The following HSF2BP variants were observed in gnomAD, a reference collection of about 807,000 sequenced individuals.
HSF2BP encodes heat shock factor 2-binding protein.
In HSF2BP, 35 loss-of-function variants were observed where a neutral mutation model predicts 35.0. The ratio of observed to expected loss-of-function variants is 1.00; its 90% CI spans 0.76 to 1.32. The LOEUF is 1.32. Among genes scored for constraint, HSF2BP ranks in the 40% most tolerant of loss-of-function variants. The pLI is 0.00. For synonymous variants in HSF2BP, 114 were observed against 117.4 expected (o/e 0.97, Z 0.18); for missense variants, 326 against 321.7 (o/e 1.01, Z -0.10).
At chr21:43,637,185 G>A (rs2082574428) in intron 4 of HSF2BP, among the ~76,000 whole-genome samples, 1 of 152,082 alleles carries the variant, frequency 6.6e-6, no homozygotes, top group African/African-American at 2.4e-5. Flanking sequence ...ACTGGTGAAT[G>A]GATGAAGAAA....
chr21:43,467,908 C>CCA, the HSF2BP span, among the ~76,000 whole-genome samples: 1 of 43,876 alleles, frequency 2.3e-5, no homozygotes, highest in Admixed American at 2.4e-4. Context: ...CACACACGCA[C>CCA]CACACACCAC....
At chr21:43,643,898 T>C (rs1437108583) in intron 4 of HSF2BP, among the ~76,000 whole-genome samples, 2 of 149,838 alleles carry the variant, frequency 1.3e-5, no homozygotes, top group East Asian at 2.0e-4. Flanking sequence ...GAGCTTGCAG[T>C]GAGCCGAGAT....
intron 4 of HSF2BP, among the ~76,000 whole-genome samples, chr21:43,643,966 G>A (rs8127297): frequency 0.68 from 101,793 of 150,564 alleles, 34,703 homozygotes; most frequent in East Asian, 0.79. Flanking sequence ...AAAAAAAAAA[G>A]GAAAAAAAAA....
intron 8 of HSF2BP, among the ~76,000 whole-genome samples, chr21:43,588,994 A>G (rs958711236): frequency 6.6e-6 from 1 of 152,182 alleles, no homozygotes. Context: ...AGAGTCTTAC[A>G]GACACTGGCA....
intron 3 of HSF2BP, among the ~76,000 whole-genome samples, chr21:43,651,860 C>CAGGCAACACCTTT (rs1568944211): frequency 3.3e-5 from 5 of 152,000 alleles, no homozygotes; most frequent in African/African-American, 9.7e-5. Flanking sequence ...GCAACACCTT[C>CAGGCAACACCTTT]GTCAGTATTA....
intron 3 of HSF2BP, among the ~76,000 whole-genome samples, chr21:43,646,676 A>T (rs1468919692): frequency 2.0e-5 from 3 of 152,216 alleles, no homozygotes; most frequent in African/African-American, 7.2e-5. Flanking sequence ...AGCTGTATGC[A>T]ACCCTAGTGT....
At chr21:43,607,709 CACTA>C (rs1190982717) in intron 7 of HSF2BP, among the ~76,000 whole-genome samples, 4 of 152,176 alleles carry the variant, frequency 2.6e-5, no homozygotes, top group Non-Finnish European at 5.9e-5. Flanking sequence ...TACCAGGCTA[CACTA>C]ACTAAAACAG....
chr21:43,593,639 C>A (rs1378717940), intron 7 of HSF2BP, among the ~76,000 whole-genome samples: 3 of 151,874 alleles, frequency 2.0e-5, no homozygotes, highest in Admixed American at 6.6e-5. Flanking sequence ...TTTGAATGAC[C>A]AGCCAATTCA....
At chr21:43,596,359 A>G (rs1418750299) in intron 7 of HSF2BP, among the ~76,000 whole-genome samples, 3 of 152,076 alleles carry the variant, frequency 2.0e-5, no homozygotes, top group African/African-American at 7.3e-5. Context: ...ATGAATATAC[A>G]AAAATAAAAC....
intron 7 of HSF2BP, among the ~76,000 whole-genome samples, chr21:43,606,630 G>T (rs1260490903): frequency 6.6e-6 from 1 of 152,218 alleles, no homozygotes; most frequent in Non-Finnish European, 1.5e-5. Flanking sequence ...CTTGGGAGCT[G>T]AGAAAGGCAG....
chr21:43,581,014 A>C (rs1402600604), intron 8 of HSF2BP, among the ~76,000 whole-genome samples: 2 of 152,240 alleles, frequency 1.3e-5, no homozygotes, highest in African/African-American at 2.4e-5. Context: ...GGTGCCATGG[A>C]AAAGATGTGG....
At chr21:43,614,044 G>A in intron 6 of HSF2BP, 97 bp from the exon 7 acceptor site, 1 of 838,262 alleles carries the variant, frequency 1.2e-6, no homozygotes, top group South Asian at 1.5e-5. Flanking sequence ...AAGACCTAAT[G>A]AAAACACAGC....
intron 6 of HSF2BP, among the ~76,000 whole-genome samples, chr21:43,616,827 A>G (rs2082276924): frequency 6.6e-6 from 1 of 151,926 alleles, no homozygotes; most frequent in South Asian, 2.1e-4. Flanking sequence ...GCTACTCCAG[A>G]TGCTGAGGCA....
intron 4 of HSF2BP, among the ~76,000 whole-genome samples, chr21:43,633,728 C>A (rs1174691055): frequency 2.0e-5 from 3 of 152,286 alleles, no homozygotes; most frequent in East Asian, 3.9e-4. Flanking sequence ...AGTAACTATA[C>A]CCAGAACCAG....
chr21:43,505,811 T>A, the HSF2BP span, among the ~76,000 whole-genome samples: 3 of 124,828 alleles, frequency 2.4e-5, 1 homozygote, highest in East Asian at 6.5e-4. Flanking sequence ...TCTTCCCATG[T>A]TTGCCAGCCA....
chr21:43,467,846 TA>T, the HSF2BP span, among the ~76,000 whole-genome samples: 1 of 22,554 alleles, frequency 4.4e-5, no homozygotes, highest in African/African-American at 1.8e-4. Context: ...ACACACCACA[TA>T]CACACCACAC....
Position 43,604,522 on chromosome 21 carries a change from C to T in HSF2BP, c.692+9308G>A, listed in dbSNP as rs1272824883. 8.0e-5 allele frequency among the ~76,000 whole-genome samples: 11 copies of T among 137,570 alleles called. No individual in the cohort carries two copies. In the East Asian group the frequency reaches 2.6e-3, roughly 32 times the overall value. 90.3% of individuals were successfully genotyped at this position (137,570 alleles called of 152,430 possible). A position where few individuals can be genotyped will look rare whatever the true frequency, so the allele number is the denominator to read the frequency against. On this transcript the variant is annotated intron_variant, in intron 7 of 8. Transcript: ENST00000291560. ...ACACACTACACACACTATACACACCCCACACACACACCACACACACCATAC... is the reference window on the plus strand; with the variant it reads ...ACACACTACACACACTATACACACCTCACACACACACCACACACACCATAC...
At chr21:43,618,834 A>T (rs1299677697) in intron 6 of HSF2BP, among the ~76,000 whole-genome samples, 1 of 151,670 alleles carries the variant, frequency 6.6e-6, no homozygotes, top group Non-Finnish European at 1.5e-5. Context: ...AGTCCCAGCT[A>T]CTCAGGATGC....
At chr21:43,630,228 A>T in intron 6 of HSF2BP, 94 bp downstream of exon 6, 1 of 1,172,920 alleles carries the variant, frequency 8.5e-7, no homozygotes, top group South Asian at 1.7e-5. Flanking sequence ...GAAACCAAAA[A>T]CATTCATGTG....
Sources: gnomAD v4.1 joint callset for allele counts (sites outside exome capture counted in the v4.1 genomes callset) on GRCh38, gnomAD v4.1.1 for gene constraint, MANE v1.5 for transcripts, NCBI Gene and HGNC (gene_info 2026-07-23, HGNC 2026-07-21) for gene names.